AFF3: variants seen among roughly 807,000 people sequenced by gnomAD.
AFF3 encodes ALF transcription elongation factor 3, also known as AF4/FMR2 family member 3.
Under a neutral mutation model 129.7 loss-of-function variants are expected in AFF3, and 32 were observed. That is an observed-to-expected ratio of 0.25 (90% CI 0.19 to 0.33). AFF3 has a LOEUF of 0.33. AFF3 is among the 10% of genes least tolerant of loss of function. The probability of loss-of-function intolerance (pLI) is 1.00; values close to 1 mark genes in which losing one functional copy is unlikely to be tolerated. For synonymous variants in AFF3, 644 were observed against 635.4 expected, an observed-to-expected ratio of 1.01 and a Z score of -0.20; for missense variants, 1,373 against 1,592.0, an observed-to-expected ratio of 0.86 and a Z score of 2.34.
At chr2:99,884,561 G>C (rs1692965525) in intron 7 of AFF3, among the ~76,000 whole-genome samples, 1 of 130,596 alleles carries the variant, frequency 7.7e-6, no homozygotes, top group Middle Eastern at 4.2e-3. Flanking sequence ...ACCACACCTG[G>C]CTAATTTTTG....
chr2:99,977,602 G>C (rs1679015589), intron 7 of AFF3, among the ~76,000 whole-genome samples: 1 of 152,322 alleles, frequency 6.6e-6, no homozygotes, highest in Middle Eastern at 3.4e-3. Flanking sequence ...ACGTCTCTAA[G>C]ATTGGACCAG....
chr2:99,601,301 C>G, intron 14 of AFF3, 134 bp downstream of exon 14: 1 of 1,106,370 alleles, frequency 9.0e-7, no homozygotes. Flanking sequence ...ATAGCCTCCT[C>G]CTTCCCAGCA....
rs192440436 is a variant in AFF3, at chr2:99,715,797, G to A, written c.1091+11280C>T. On this transcript the variant is annotated intron_variant, in intron 11 of 24. Transcript: ENST00000672756. ...CGCCGTTCTTCTGCCTCAGCCTCCC[G>A]AGTAGCTGGGACTACAGGTACATGC... Among the ~76,000 whole-genome samples the A allele has an allele frequency of 1.8e-3, 277 of 151,416 alleles. 4 individuals carry two copies. Among genetic ancestry groups the A allele is most frequent in the African/African-American group, 6.3e-3 (260 of 41,256 alleles).
chr2:99,559,007 G>A (rs1256183924), intron 21 of AFF3, 39 bp from the exon 22 acceptor site: 1 of 1,575,436 alleles, frequency 6.3e-7, no homozygotes, highest in South Asian at 1.1e-5. Context: ...AAGCGGCTGA[G>A]TGCGTCGTGC....
At chr2:99,851,351 T>G (rs1690128276) in intron 7 of AFF3, among the ~76,000 whole-genome samples, 1 of 152,234 alleles carries the variant, frequency 6.6e-6, no homozygotes. Context: ...TGATGGCTTT[T>G]ATGTTCTCTT....
chr2:100,017,875 G>A (rs965616601), intron 4 of AFF3, among the ~76,000 whole-genome samples: 33 of 152,060 alleles, frequency 2.2e-4, no homozygotes, highest in African/African-American at 7.5e-4. Context: ...GCCTCCCTGG[G>A]GAACTGCTCA....
rs150873687 is a variant in AFF3, at chr2:100,043,284, C to T, written c.54-34352G>A. 6.6e-4 allele frequency among the ~76,000 whole-genome samples: 100 copies of T among 152,240 alleles called. 1 individual carries two copies. Among genetic ancestry groups the T allele is most frequent in the African/African-American group, 2.3e-3 (96 of 41,536 alleles). On this transcript the variant is annotated intron_variant, in intron 4 of 24. Coordinates refer to ENST00000672756, the MANE Select transcript of AFF3 (RefSeq NM_001386135.1). ...AGCATATCAATTTGGCGGTGAAAAA[C>T]CCTGTGGCCTCAGCTCCAGTCGGGA...
At chr2:100,073,250 C>A (rs1378529582) in intron 4 of AFF3, among the ~76,000 whole-genome samples, 1 of 152,204 alleles carries the variant, frequency 6.6e-6, no homozygotes, top group Admixed American at 6.5e-5. Context: ...GGCACCACAA[C>A]CCTGTGTGAC....
At chr2:99,724,368 G>C (rs1015783661) in intron 11 of AFF3, among the ~76,000 whole-genome samples, 1 of 139,424 alleles carries the variant, frequency 7.2e-6, no homozygotes, top group Non-Finnish European at 1.5e-5. Flanking sequence ...CGCCTCCTAG[G>C]TTCAAGCAAT....
At chr2:99,855,173 G>GA (rs1690433266) in intron 7 of AFF3, among the ~76,000 whole-genome samples, 1 of 152,132 alleles carries the variant, frequency 6.6e-6, no homozygotes, top group Non-Finnish European at 1.5e-5. Context: ...AAAAAACTGT[G>GA]AAAAAATGAA....
chr2:99,595,282 G>A (rs1046917397), intron 14 of AFF3, among the ~76,000 whole-genome samples: 1 of 152,224 alleles, frequency 6.6e-6, no homozygotes, highest in African/African-American at 2.4e-5. Context: ...CAGGTGTATT[G>A]AGAAGAATAG....
intron 7 of AFF3, among the ~76,000 whole-genome samples, chr2:99,947,537 A>G (rs911219229): frequency 0.013 from 1,606 of 122,198 alleles, 66 homozygotes; most frequent in African/African-American, 0.055. Context: ...GAAAGAAAGA[A>G]AAAGAGAGAA....
At chr2:100,048,687 C>CA (rs1686037094) in intron 4 of AFF3, among the ~76,000 whole-genome samples, 1 of 152,104 alleles carries the variant, frequency 6.6e-6, no homozygotes, top group South Asian at 2.1e-4. Context: ...GTTTTTGTTC[C>CA]AAATACTGCA....
chr2:99,643,401 C>G (rs767292540), intron 13 of AFF3, among the ~76,000 whole-genome samples: 1 of 151,994 alleles, frequency 6.6e-6, no homozygotes, highest in Non-Finnish European at 1.5e-5. Context: ...TTGGGGAGAC[C>G]GAAGGCTGCT....
At chr2:99,789,446 CAAAAAAA>C (rs34653301) in intron 8 of AFF3, among the ~76,000 whole-genome samples, 7 of 62,060 alleles carry the variant, frequency 1.1e-4, no homozygotes, top group Non-Finnish European at 1.7e-4. Flanking sequence ...GCCCTGTCAC[CAAAAAAA>C]AAAAAAAAAA....
Position 100,026,930 on chromosome 2 carries a change from G to T in AFF3, c.54-17998C>A, listed in dbSNP as rs528014454. On this transcript the variant is annotated intron_variant, in intron 4 of 24. Coordinates refer to ENST00000672756, the MANE Select transcript of AFF3 (RefSeq NM_001386135.1). ...TACAATGGACTTTGGGGACTTGGGG[G>T]GAAGGGTGGGAGGGTGGCAAGGGAT... 2.8e-4 allele frequency among the ~76,000 whole-genome samples: 43 copies of T among 151,870 alleles called. 1 individual carries two copies. The East Asian group carries it at 7.8e-3, about 28-fold the overall frequency.
chr2:99,805,051 C>CA (rs1311956996), intron 8 of AFF3, among the ~76,000 whole-genome samples: 4 of 152,156 alleles, frequency 2.6e-5, no homozygotes, highest in Admixed American at 2.6e-4. Flanking sequence ...ATCTTGTAAC[C>CA]AAAAACCACT....
At chr2:99,579,589 A>G (rs537831087) in intron 17 of AFF3, among the ~76,000 whole-genome samples, 2 of 151,956 alleles carry the variant, frequency 1.3e-5, no homozygotes, top group Non-Finnish European at 2.9e-5. Context: ...GCGTGGTGGT[A>G]GGTGCCTGTA....
chr2:100,127,297 T>C (rs1338158932), intron 2 of AFF3, among the ~76,000 whole-genome samples: 3 of 152,210 alleles, frequency 2.0e-5, no homozygotes. Flanking sequence ...CAACTGGCCC[T>C]CACTGTCATG....
Sources: allele counts gnomAD v4.1 joint callset (sites outside exome capture counted in the v4.1 genomes callset), GRCh38; gene constraint gnomAD v4.1.1; transcripts MANE v1.5; gene names NCBI Gene and HGNC (gene_info 2026-07-23, HGNC 2026-07-21).